The following FMN2 variants were observed in gnomAD, a reference collection of about 807,000 sequenced individuals.
The protein encoded by FMN2 is formin-2.
In FMN2, 51 loss-of-function variants were observed where a neutral mutation model predicts 142.3. The observed-to-expected ratio is 0.36, with a 90% CI of 0.29 to 0.45. The LOEUF (loss-of-function observed/expected upper bound fraction) is 0.45. Among genes scored for constraint, FMN2 ranks in the 20% least tolerant of loss-of-function variants. FMN2 has a pLI of 1.00. For synonymous variants in FMN2, 882 were observed against 869.8 expected (o/e 1.01, Z -0.25); for missense variants, 1,936 against 2,122.8 (o/e 0.91, Z 1.73).
intron 14 of FMN2, among the ~76,000 whole-genome samples, chr1:240,367,565 G>A (rs370617211): frequency 2.6e-5 from 4 of 151,882 alleles, no homozygotes; most frequent in Non-Finnish European, 2.9e-5. Context: ...TCAGGAGATC[G>A]AGACCATCCT....
chr1:240,198,751 G>T (rs902684178), intron 4 of FMN2, among the ~76,000 whole-genome samples: 3 of 152,138 alleles, frequency 2.0e-5, no homozygotes, highest in African/African-American at 2.4e-5. Context: ...ATGTGTAGCA[G>T]ATGTTAACAT....
chr1:240,120,863 A>G (rs545305013), intron 1 of FMN2, among the ~76,000 whole-genome samples: 1 of 152,338 alleles, frequency 6.6e-6, no homozygotes, highest in African/African-American at 2.4e-5. Context: ...AATGTTTGAA[A>G]GTTAAAGAGC....
intron 14 of FMN2, among the ~76,000 whole-genome samples, chr1:240,361,907 A>G (rs569589270): frequency 6.6e-6 from 1 of 152,360 alleles, no homozygotes; most frequent in Admixed American, 6.5e-5. Context: ...AGTCAGGTAG[A>G]TAGGAAGAAA....
intron 6 of FMN2, among the ~76,000 whole-genome samples, chr1:240,250,405 T>G (rs567533307): frequency 1.3e-5 from 2 of 152,346 alleles, no homozygotes; most frequent in South Asian, 4.1e-4. Flanking sequence ...GATTTGCATA[T>G]GTACAACCAT....
At chr1:240,245,753 A>T (rs1360137052) in intron 6 of FMN2, among the ~76,000 whole-genome samples, 1 of 152,172 alleles carries the variant, frequency 6.6e-6, no homozygotes, top group Non-Finnish European at 1.5e-5. Context: ...AGGGAGGTGC[A>T]GTGCCTGTGT....
intron 15 of FMN2, among the ~76,000 whole-genome samples, chr1:240,401,684 G>C (rs981751780): frequency 9.9e-5 from 15 of 152,172 alleles, no homozygotes; most frequent in Admixed American, 5.2e-4. Flanking sequence ...ATGCCTTAAG[G>C]ATCAAAGAAG....
intron 2 of FMN2, among the ~76,000 whole-genome samples, chr1:240,169,489 G>T (rs1405062225): frequency 6.6e-6 from 1 of 152,096 alleles, no homozygotes; most frequent in African/African-American, 2.4e-5. Flanking sequence ...TTTTTGAGAC[G>T]GTTTCACTGT....
intron 15 of FMN2, among the ~76,000 whole-genome samples, chr1:240,419,538 G>A (rs769421066): frequency 8.5e-5 from 13 of 152,104 alleles, no homozygotes; most frequent in Non-Finnish European, 1.3e-4. Flanking sequence ...ACTTCTGACC[G>A]TGTAAGCTCC....
intron 13 of FMN2, among the ~76,000 whole-genome samples, chr1:240,355,309 C>T (rs947282638): frequency 1.3e-5 from 2 of 152,072 alleles, no homozygotes; most frequent in African/African-American, 4.8e-5. Context: ...AACATTACCA[C>T]CCATGTTATT....
At chr1:240,125,021 T>A (rs1479399106) in intron 2 of FMN2, among the ~76,000 whole-genome samples, 6 of 152,232 alleles carry the variant, frequency 3.9e-5, no homozygotes, top group Non-Finnish European at 8.8e-5. Context: ...AACAGTGCTC[T>A]CTTATCAGCC....
At chr1:240,153,265 T>G (rs1663859946) in intron 2 of FMN2, among the ~76,000 whole-genome samples, 1 of 152,124 alleles carries the variant, frequency 6.6e-6, no homozygotes, top group Non-Finnish European at 1.5e-5. Context: ...GCTAGAGCCA[T>G]TTTATCATCA....
At chr1:240,320,490 AAG>A (rs1353061924) in intron 8 of FMN2, among the ~76,000 whole-genome samples, 1 of 152,202 alleles carries the variant, frequency 6.6e-6, no homozygotes, top group Non-Finnish European at 1.5e-5. Flanking sequence ...ACATATCTGA[AAG>A]AGATTTTGAA....
intron 11 of FMN2, among the ~76,000 whole-genome samples, chr1:240,332,512 T>A: frequency 6.6e-6 from 1 of 152,248 alleles, no homozygotes; most frequent in Non-Finnish European, 1.5e-5. Context: ...AGAAATGAAC[T>A]GGAAATAGAT....
chr1:240,257,511 A>G (rs779052011), intron 6 of FMN2, among the ~76,000 whole-genome samples: 1 of 152,180 alleles, frequency 6.6e-6, no homozygotes, highest in Non-Finnish European at 1.5e-5. Flanking sequence ...GTGTACTTTT[A>G]TTTTGCGCTT....
At chr1:240,201,461 T>A (rs1256378587) in intron 4 of FMN2, among the ~76,000 whole-genome samples, 1 of 152,178 alleles carries the variant, frequency 6.6e-6, no homozygotes, top group African/African-American at 2.4e-5. Context: ...AATGATGATG[T>A]GACAGATGTA....
intron 4 of FMN2, among the ~76,000 whole-genome samples, chr1:240,202,121 T>C (rs1221341338): frequency 6.6e-6 from 1 of 152,188 alleles, no homozygotes; most frequent in Non-Finnish European, 1.5e-5. Context: ...TGGATGAATC[T>C]AGCTGCAAGG....
At chr1:240,238,286 T>A (rs979419293) in intron 6 of FMN2, among the ~76,000 whole-genome samples, 5 of 152,118 alleles carry the variant, frequency 3.3e-5, no homozygotes, top group Non-Finnish European at 7.4e-5. Context: ...TAGCTATCTA[T>A]TAGATATTCA....
At chr1:240,337,203 CTTTTTT>C (rs752506621) in intron 13 of FMN2, among the ~76,000 whole-genome samples, 1 of 90,574 alleles carries the variant, frequency 1.1e-5, no homozygotes, top group Non-Finnish European at 2.3e-5. Context: ...TATTCCTTTT[CTTTTTT>C]TTTTTTTTTT....
At chr1:240,267,016 C>A (rs1469877822) in intron 7 of FMN2, among the ~76,000 whole-genome samples, 2 of 152,004 alleles carry the variant, frequency 1.3e-5, no homozygotes, top group Non-Finnish European at 2.9e-5. Context: ...CTAGGAAATA[C>A]CATTCGGGAT....
Sources: gnomAD v4.1 joint callset for allele counts (sites outside exome capture counted in the v4.1 genomes callset) on GRCh38, gnomAD v4.1.1 for gene constraint, MANE v1.5 for transcripts, NCBI Gene and HGNC (gene_info 2026-07-23, HGNC 2026-07-21) for gene names.